Variants in MAN2A2 observed in about 807,000 individuals in gnomAD.
The protein encoded by MAN2A2 is alpha-mannosidase 2x.
In MAN2A2, 79 loss-of-function variants were observed where a neutral mutation model predicts 126.8. That is an observed-to-expected ratio of 0.62 (90% confidence interval 0.52 to 0.75). MAN2A2 has a LOEUF of 0.75. Ranked by LOEUF, MAN2A2 falls within the 30% of genes least tolerant of loss-of-function variation. The pLI is 0.00. For synonymous variants in MAN2A2, 671 were observed against 618.7 expected, an observed-to-expected ratio of 1.08 and a Z score of -1.25; for missense variants, 1,392 against 1,522.4, an observed-to-expected ratio of 0.91 and a Z score of 1.43.
At chr15:90,913,066 G>A in intron 17 of MAN2A2, 75 bp downstream of exon 17, 2 of 1,295,718 alleles carry the variant, frequency 1.5e-6, no homozygotes, top group East Asian at 2.3e-5. Context: ...TCCTTCTGCT[G>A]CTTCTCTGTT....
At chr15:90,916,394 G>A (rs1022674729) in intron 20 of MAN2A2, 138 bp downstream of exon 20, 26 of 1,266,304 alleles carry the variant, frequency 2.1e-5, no homozygotes, top group Non-Finnish European at 2.8e-5. Flanking sequence ...CTGGGGTGGG[G>A]GGAGGCAGTC....
rs910580056 is a variant in MAN2A2, at chr15:90,916,814, C to T, written c.2994+558C>T. Among the ~76,000 whole-genome samples the T allele has an allele frequency of 4.6e-5, 7 of 152,284 alleles. No homozygotes were observed. In the South Asian group the frequency reaches 1.5e-3, roughly 32 times the overall value. On this transcript the variant is annotated intron_variant, in intron 20 of 22. Transcript: ENST00000559717. ...GGACCCAGAGGGACATAAGTGCAGA[C>T]AGTGCTGACTCTCCCAGGAGTTTAC...
rs762951236 is a variant in MAN2A2 at position 90,912,886 on chromosome 15, C to T, written c.2479C>T (p.Pro827Ser). 7 of 1,613,758 alleles carry T rather than the reference C, an allele frequency of 4.3e-6. No homozygotes were observed. The highest frequency in any genetic ancestry group is 5.1e-6 in the Non-Finnish European group (6 of 1,179,786). The change falls in exon 17 of 23, where the codon CCC (proline) becomes TCC (serine). Residue 827 changes from proline to serine, a missense_variant. Transcript: ENST00000559717. ...TCTGCTCTTTCTCTAGCCCTACGTC[C>T]CCAAGGAGCCCCCCGTGCTGCGTGT... ...LPDGEAKPYVPKEPPVLRVTE... is the reference protein window; with the variant it reads ...LPDGEAKPYVSKEPPVLRVTE...
chr15:90,910,334 A>C, intron 10 of MAN2A2, 42 bp downstream of exon 10: 1 of 1,609,506 alleles, frequency 6.2e-7, no homozygotes, highest in Non-Finnish European at 8.5e-7. Flanking sequence ...GGGGAGAGTC[A>C]GCCTTTGGGG....
At position 90,910,950 on chromosome 15, in the gene MAN2A2, T is replaced by G. The variant is rs368399798; in HGVS notation, c.1864T>G (p.Phe622Val). ...ETYHFDPEAP[F>V]LQVDDTRLSH... ...CTACCACTTTGACCCTGAGGCGCCC[T>G]TCCTCCAAGTGGTGAGCCCCTCCTG... The change falls in exon 12 of 23, where the codon TTC becomes GTC. Residue 622 changes from phenylalanine to valine, a missense_variant. Physicochemically the swap from Phe to Val is conservative, Grantham distance 50. Coordinates refer to ENST00000559717, the MANE Select transcript of MAN2A2 (RefSeq NM_006122.4). 6 of 1,611,952 alleles carry G rather than the reference T, an allele frequency of 3.7e-6. No individual in the cohort carries two copies. Among genetic ancestry groups the G allele is most frequent in the Non-Finnish European group, 4.2e-6 (5 of 1,178,078 alleles).
At position 90,906,304 on chromosome 15, in the gene MAN2A2, AT is replaced by A. The variant is rs1229340776; in HGVS notation, c.708-63del. On this transcript the variant is annotated intron_variant, in intron 5 of 22. Coordinates refer to ENST00000559717, the MANE Select transcript of MAN2A2 (RefSeq NM_006122.4). ...GAGGCCAGTGCACACAGGCCCTGACATTTGCTGGTTGGCAGGACTGGGCAGA... is the reference window on the plus strand; with the variant it reads ...GAGGCCAGTGCACACAGGCCCTGACATTGCTGGTTGGCAGGACTGGGCAGA... 3 of 1,601,768 alleles carry A rather than the reference AT, an allele frequency of 1.9e-6. No homozygotes were observed. In the Admixed American group the frequency reaches 5.1e-5, roughly 27 times the overall value.
In MAN2A2 at chr15:90,910,585, C is replaced by T. The variant is rs1234169178; in HGVS notation, c.1662C>T (p.Thr554=). The T allele has an allele frequency of 1.4e-5, 23 of 1,614,144 alleles. No homozygotes were observed. The highest frequency in any genetic ancestry group is 1.9e-5 in the Non-Finnish European group (22 of 1,180,010). Residue 554 remains threonine (T), a synonymous_variant, in exon 11 of 23, where the codon ACC becomes ACT. Transcript: ENST00000559717. ...LAGRYPLSDF[T]LLTEARRTLG... is the part of the protein sequence containing the mutation. ...GCCGGTACCCACTGTCTGATTTCAC[C>T]CTCCTGACGGAAGCTCGGCGCACAT...
At position 90,906,353 on chromosome 15, in the gene MAN2A2, T is replaced by C. The variant is rs2034283287; in HGVS notation, c.708-17T>C. 2 of 1,614,016 alleles carry C rather than the reference T, an allele frequency of 1.2e-6. No individual in the cohort carries two copies. ...AGAGTGTCCTGCTCCGTCCTGAGTG[T>C]GAGTCCTTAACTATAGGCTGGTGGG... On this transcript the variant is annotated splice_polypyrimidine_tract_variant and intron_variant, in intron 5 of 22. Transcript: ENST00000559717.
chr15:90,905,286 G>A lies in MAN2A2; in HGVS notation c.168G>A (p.Gln56=). 1 of 1,613,686 alleles carries A rather than the reference G, an allele frequency of 6.2e-7. No homozygotes were observed. Among genetic ancestry groups the A allele is most frequent in the Non-Finnish European group, 8.5e-7 (1 of 1,180,032 alleles). ...CTGTGCTGCAGAACCGCATTGAGCA[G>A]CTGGAGCAGCTTTTGGAGGAGAACC... ...QISVLQNRIE[Q]LEQLLEENHE... is the part of the protein sequence containing the mutation. Residue 56 remains glutamine, a synonymous_variant, in exon 3 of 23, where the codon CAG becomes CAA. Coordinates refer to ENST00000559717, the MANE Select transcript of MAN2A2 (RefSeq NM_006122.4).
Position 90,906,351 on chromosome 15 carries a change from T to C in MAN2A2, c.708-19T>C, listed in dbSNP as rs914147239. 2 of 1,613,988 alleles carry C rather than the reference T, an allele frequency of 1.2e-6. No homozygotes were observed. The highest frequency in any genetic ancestry group is 1.3e-5 in the African/African-American group (1 of 75,014). ...GCAGAGTGTCCTGCTCCGTCCTGAG[T>C]GTGAGTCCTTAACTATAGGCTGGTG... On this transcript the variant is annotated intron_variant, in intron 5 of 22. Coordinates refer to ENST00000559717, the MANE Select transcript of MAN2A2 (RefSeq NM_006122.4).
chr15:90,911,403 C>T lies in MAN2A2; in HGVS notation c.1962C>T (p.Asn654=), dbSNP rs141708745. ...CGCACAGGTTTGTGGTCCTATTCAA[C>T]CCACTGGAACAGGAGCGATTCAGCA... ...DSSPRFVVLF[N]PLEQERFSMV... The change falls in exon 14 of 23, where the codon AAC becomes AAT. Residue 654 remains asparagine, a synonymous_variant. Coordinates refer to ENST00000559717, the MANE Select transcript of MAN2A2 (RefSeq NM_006122.4). 9,315 of 1,614,234 alleles carry T rather than the reference C, an allele frequency of 5.8e-3. 42 individuals carry two copies. Among genetic ancestry groups the T allele is most frequent in the Non-Finnish European group, 6.9e-3 (8,186 of 1,180,036 alleles).
Position 90,906,763 on chromosome 15 carries a change from G to T in MAN2A2, c.859G>T (p.Ala287Ser), listed in dbSNP as rs1186215267. The change falls in exon 7 of 23, where the codon GCA becomes TCA. Residue 287 changes from alanine to serine, a missense_variant. Ala to Ser is a moderately conservative substitution (Grantham distance 99). Transcript: ENST00000559717. ...NLGATPRSGW[A>S]VDPFGYSSTM... ...AGGTGCAACCCCCCGCTCTGGCTGGGCAGTGGACCCCTTTGGATACAGCTC... is the reference window on the plus strand; with the variant it reads ...AGGTGCAACCCCCCGCTCTGGCTGGTCAGTGGACCCCTTTGGATACAGCTC... 7.4e-6 allele frequency: 12 copies of T among 1,612,926 alleles called. No homozygotes were observed. Among genetic ancestry groups the T allele is most frequent in the Non-Finnish European group, 9.3e-6 (11 of 1,179,964 alleles).
Position 90,919,859 on chromosome 15 carries a change from C to T in MAN2A2, c.*72C>T, listed in dbSNP as rs1275181194. 9.0e-6 allele frequency: 14 copies of T among 1,556,676 alleles called. No individual in the cohort carries two copies. Among genetic ancestry groups the T allele is most frequent in the African/African-American group, 2.7e-5 (2 of 73,816 alleles). On this transcript the variant is annotated 3_prime_UTR_variant, in exon 23 of 23. Coordinates refer to ENST00000559717, the MANE Select transcript of MAN2A2 (RefSeq NM_006122.4). ...TTAACATGAAGATCATTGGACAAGC[C>T]ACACGGGTATCCCATCCCGATCTGC... is the stretch of plus-strand genomic sequence containing the variant.
intron 16 of MAN2A2, 78 bp downstream of exon 16, chr15:90,912,742 C>G: frequency 6.3e-7 from 1 of 1,595,390 alleles, no homozygotes; most frequent in South Asian, 1.1e-5. Context: ...TTATTGCTGC[C>G]TGCCAGGGGC....
intron 19 of MAN2A2, among the ~76,000 whole-genome samples, chr15:90,914,419 G>A (rs1308411042): frequency 6.6e-6 from 1 of 152,256 alleles, no homozygotes; most frequent in Non-Finnish European, 1.5e-5. Flanking sequence ...AGTAGGGACA[G>A]CTTGTAAAGT....
rs1183282907 is a variant in MAN2A2 at position 90,913,294 on chromosome 15, A to T, written c.2606A>T (p.Asp869Val). 3 of 1,613,898 alleles carry T rather than the reference A, an allele frequency of 1.9e-6. No homozygotes were observed. The highest frequency in any genetic ancestry group is 2.5e-6 in the Non-Finnish European group (3 of 1,179,974). The change falls in exon 18 of 23, where the codon GAC (aspartate) becomes GTC (valine). Residue 869 changes from aspartate (D) to valine (V), a missense_variant. Physicochemically the swap from Asp to Val is radical, Grantham distance 152 (BLOSUM62 -3). Coordinates refer to ENST00000559717, the MANE Select transcript of MAN2A2 (RefSeq NM_006122.4). The stretch of plus-strand genomic sequence containing the variant: ...CCAGGGGTGGAGGGGCTGTCTCTGG[A>T]CATATCATCCCTGGTGGACATCCGG... ...NLPGVEGLSL[D>V]ISSLVDIRDY... is the part of the protein sequence containing the mutation.
Position 90,912,528 on chromosome 15 carries a change from G to T in MAN2A2, c.2347-14G>T. 6.2e-7 allele frequency: 1 copy of T among 1,612,750 alleles called. No individual in the cohort carries two copies. The highest frequency in any genetic ancestry group is 8.5e-7 in the Non-Finnish European group (1 of 1,179,348). On this transcript the variant is annotated splice_polypyrimidine_tract_variant and intron_variant, in intron 15 of 22. Transcript: ENST00000559717. ...TGGTGTGGGGCCAGGGGTCAGGGCTGTGTTTTTTGGCAGAGCATCCGAAGG... is the reference window on the plus strand; with the variant it reads ...TGGTGTGGGGCCAGGGGTCAGGGCTTTGTTTTTTGGCAGAGCATCCGAAGG...
intron 14 of MAN2A2, 46 bp downstream of exon 14, chr15:90,911,596 G>A (rs2034749106): frequency 6.4e-7 from 1 of 1,564,202 alleles, no homozygotes; most frequent in Non-Finnish European, 8.7e-7. Context: ...TGCCCGTCGT[G>A]GGCCCCTCCC....
chr15:90,915,930 A>G, intron 19 of MAN2A2, 193 bp from the exon 20 acceptor site: 2 of 554,070 alleles, frequency 3.6e-6, no homozygotes, highest in Non-Finnish European at 6.3e-6. Flanking sequence ...CATCTGCAAA[A>G]TAACGGCCCA....
Sources: gnomAD v4.1 joint callset for allele counts (sites outside exome capture counted in the v4.1 genomes callset) on GRCh38, gnomAD v4.1.1 for gene constraint, MANE v1.5 for transcripts, NCBI Gene and HGNC (gene_info 2026-07-23, HGNC 2026-07-21) for gene names.